CSMD1: variants seen among roughly 807,000 people sequenced by gnomAD.
CSMD1 encodes CUB and Sushi multiple domains 1.
A neutral mutation model predicts 417.5 loss-of-function variants in CSMD1; 213 were observed. That is an observed-to-expected ratio of 0.51 (90% CI 0.46 to 0.57). The LOEUF (loss-of-function observed/expected upper bound fraction) is 0.57. CSMD1 is among the 20% of genes least tolerant of loss of function. The pLI, the probability that CSMD1 is intolerant of heterozygous loss-of-function variation, is 0.00. For missense variants in CSMD1, 6,923 were observed against 4,529.7 expected, an observed-to-expected ratio of 1.53 and a Z score of -15.17; for synonymous variants, 2,862 against 1,736.8, an observed-to-expected ratio of 1.65 and a Z score of -16.11.
chr8:4,712,365 T>C (rs1808362062), intron 1 of CSMD1, among the ~76,000 whole-genome samples: 1 of 152,202 alleles, frequency 6.6e-6, no homozygotes, highest in Non-Finnish European at 1.5e-5. Context: ...GATTTGTACA[T>C]GGCACACACA....
At chr8:3,641,548 G>C (rs778434253) in intron 7 of CSMD1, among the ~76,000 whole-genome samples, 1 of 152,198 alleles carries the variant, frequency 6.6e-6, no homozygotes, top group Admixed American at 6.5e-5. Context: ...GAAAGGGAGT[G>C]TATGAAAGTC....
At chr8:3,145,841 C>T (rs1359581878) in intron 40 of CSMD1, among the ~76,000 whole-genome samples, 1 of 152,142 alleles carries the variant, frequency 6.6e-6, no homozygotes, top group African/African-American at 2.4e-5. Context: ...GGAACTTACC[C>T]AGCACTGTCT....
chr8:3,051,200 A>G (rs1028516752), intron 50 of CSMD1, among the ~76,000 whole-genome samples: 1 of 152,248 alleles, frequency 6.6e-6, no homozygotes, highest in African/African-American at 2.4e-5. Flanking sequence ...ATCAACCCAA[A>G]TGCCCATCAG....
chr8:3,481,250 A>T (rs1189227027), intron 11 of CSMD1, among the ~76,000 whole-genome samples: 1 of 151,872 alleles, frequency 6.6e-6, no homozygotes, highest in Non-Finnish European at 1.5e-5. Flanking sequence ...AATGAAGGAG[A>T]AAAGAAAAGA....
chr8:4,043,889 T>C (rs1012058798), intron 3 of CSMD1, among the ~76,000 whole-genome samples: 1 of 152,168 alleles, frequency 6.6e-6, no homozygotes, highest in African/African-American at 2.4e-5. Context: ...TCAGTTAAGA[T>C]AACACAGATA....
At chr8:3,885,700 G>A (rs574109686) in intron 5 of CSMD1, among the ~76,000 whole-genome samples, 7 of 152,034 alleles carry the variant, frequency 4.6e-5, no homozygotes, top group Admixed American at 2.0e-4. Flanking sequence ...ATGCACGTGT[G>A]AGCTCATGAA....
chr8:3,986,731 A>C (rs558563712), intron 5 of CSMD1, among the ~76,000 whole-genome samples: 1 of 151,970 alleles, frequency 6.6e-6, no homozygotes, highest in East Asian at 1.9e-4. Flanking sequence ...AGTTTTGCTC[A>C]AAGGCCTGCT....
intron 2 of CSMD1, among the ~76,000 whole-genome samples, chr8:4,488,316 A>C (rs999085039): frequency 2.0e-5 from 3 of 152,138 alleles, no homozygotes; most frequent in African/African-American, 7.2e-5. Context: ...AGTAGTTAAC[A>C]TGTGTAAAGT....
chr8:2,961,093 T>C, intron 62 of CSMD1, 48 bp downstream of exon 62: 1 of 1,271,476 alleles, frequency 7.9e-7, no homozygotes, highest in Non-Finnish European at 1.1e-6. Flanking sequence ...GTAACAAATA[T>C]ATTTTATATT....
At chr8:3,136,320 G>T (rs926169402) in intron 41 of CSMD1, among the ~76,000 whole-genome samples, 22 of 146,760 alleles carry the variant, frequency 1.5e-4, no homozygotes, top group African/African-American at 5.6e-4. Flanking sequence ...GCAATGGCAT[G>T]ATCTCGGCTC....
At chr8:3,717,457 A>T (rs558337074) in intron 6 of CSMD1, among the ~76,000 whole-genome samples, 3 of 152,286 alleles carry the variant, frequency 2.0e-5, no homozygotes, top group East Asian at 3.9e-4. Flanking sequence ...ACTGTGAAAT[A>T]TTCATGAAGA....
intron 3 of CSMD1, among the ~76,000 whole-genome samples, chr8:4,151,283 G>C (rs1002611594): frequency 1.3e-5 from 2 of 152,170 alleles, no homozygotes; most frequent in Admixed American, 6.5e-5. Context: ...GACCATGCAT[G>C]TGTAAATCAT....
chr8:3,586,836 G>C (rs887815956), intron 8 of CSMD1, among the ~76,000 whole-genome samples: 2 of 152,168 alleles, frequency 1.3e-5, no homozygotes, highest in South Asian at 2.1e-4. Context: ...GTCTCACACT[G>C]TCACCCAGGC....
intron 10 of CSMD1, among the ~76,000 whole-genome samples, chr8:3,499,434 T>G (rs1225799127): frequency 1.3e-5 from 2 of 152,152 alleles, no homozygotes; most frequent in Admixed American, 6.5e-5. Flanking sequence ...GTGGTTGGCC[T>G]CAGGTGGGCT....
intron 1 of CSMD1, among the ~76,000 whole-genome samples, chr8:4,712,980 A>T (rs1036075142): frequency 6.6e-6 from 1 of 152,252 alleles, no homozygotes; most frequent in African/African-American, 2.4e-5. Context: ...ATCCACGGGA[A>T]TTACTGGCAG....
intron 1 of CSMD1, among the ~76,000 whole-genome samples, chr8:4,884,375 T>C (rs1803594006): frequency 6.6e-6 from 1 of 152,026 alleles, no homozygotes; most frequent in Non-Finnish European, 1.5e-5. Flanking sequence ...GTTTAGAGTT[T>C]TGATGAAGTC....
At chr8:4,568,708 A>T (rs538519676) in intron 2 of CSMD1, among the ~76,000 whole-genome samples, 4 of 152,262 alleles carry the variant, frequency 2.6e-5, no homozygotes, top group African/African-American at 9.6e-5. Flanking sequence ...TGTCTTCCAC[A>T]ATGGTTGAAC....
At chr8:3,882,882 G>A (rs552302493) in intron 5 of CSMD1, among the ~76,000 whole-genome samples, 150 of 152,248 alleles carry the variant, frequency 9.9e-4, no homozygotes, top group African/African-American at 3.1e-3. Context: ...TGGGACTGAC[G>A]ATTTCAAGAG....
intron 21 of CSMD1, among the ~76,000 whole-genome samples, chr8:3,355,466 G>C (rs1388065498): frequency 1.3e-5 from 2 of 152,114 alleles, no homozygotes; most frequent in Non-Finnish European, 2.9e-5. Context: ...AATTCTAAAT[G>C]TGCTAAGCCA....
Sources: gnomAD v4.1 joint callset for allele counts (sites outside exome capture counted in the v4.1 genomes callset) on GRCh38, gnomAD v4.1.1 for gene constraint, MANE v1.5 for transcripts, NCBI Gene and HGNC (gene_info 2026-07-23, HGNC 2026-07-21) for gene names.